Variants in B3GALT1 observed in about 807,000 individuals in gnomAD.
B3GALT1 encodes UDP-Gal:betaGlcNAc beta 1,3-galactosyltransferase, polypeptide 1.
A neutral mutation model predicts 23.2 loss-of-function variants in B3GALT1; 10 were observed. The ratio of observed to expected loss-of-function variants is 0.43; its 90% CI spans 0.27 to 0.73. The LOEUF is 0.73. Ranked by LOEUF, B3GALT1 falls within the 30% of genes least tolerant of loss-of-function variation. The pLI is 0.21. For missense variants in B3GALT1, 299 were observed against 405.4 expected (o/e 0.74, Z 2.25); for synonymous variants, 156 against 141.5 (o/e 1.10, Z -0.73).
chr2:167,565,476 G>A (rs1208510021), intron 2 of B3GALT1, among the ~76,000 whole-genome samples: 18 of 152,182 alleles, frequency 1.2e-4, no homozygotes, highest in Admixed American at 6.5e-4. Context: ...AACACCAAAA[G>A]CAGTGGCAAC....
At chr2:167,646,404 T>C (rs557628439) in intron 2 of B3GALT1, among the ~76,000 whole-genome samples, 2 of 152,320 alleles carry the variant, frequency 1.3e-5, no homozygotes, top group Admixed American at 6.5e-5. Context: ...GAGAGAGAAC[T>C]ATTTTACTAT....
intron 3 of B3GALT1, among the ~76,000 whole-genome samples, chr2:167,788,327 C>T (rs1446870550): frequency 6.6e-6 from 1 of 151,974 alleles, no homozygotes; most frequent in Non-Finnish European, 1.5e-5. Context: ...ACTTATTGTG[C>T]ACCTTATTTA....
chr2:167,614,857 G>C (rs1046249651), intron 2 of B3GALT1, among the ~76,000 whole-genome samples: 1 of 151,926 alleles, frequency 6.6e-6, no homozygotes, highest in Non-Finnish European at 1.5e-5. Context: ...TAGATCAATA[G>C]ATAGATGGAT....
chr2:167,376,564 C>A (rs1039761202), intron 1 of B3GALT1, among the ~76,000 whole-genome samples: 3 of 152,010 alleles, frequency 2.0e-5, no homozygotes, highest in Admixed American at 6.6e-5. Flanking sequence ...CCTAACTAAT[C>A]TTGGGAGGTT....
chr2:167,821,263 T>C (rs545501961), intron 4 of B3GALT1, among the ~76,000 whole-genome samples: 2 of 152,216 alleles, frequency 1.3e-5, no homozygotes, highest in East Asian at 3.9e-4. Context: ...CCAACTTTTA[T>C]GGGACTCATC....
chr2:167,835,365 G>C (rs183258987), intron 4 of B3GALT1, among the ~76,000 whole-genome samples: 3 of 152,266 alleles, frequency 2.0e-5, no homozygotes, highest in Admixed American at 1.3e-4. Flanking sequence ...AAAAAACGGC[G>C]CACCAGGAGA....
chr2:167,526,995 A>G (rs753536982), intron 2 of B3GALT1, among the ~76,000 whole-genome samples: 1 of 152,096 alleles, frequency 6.6e-6, no homozygotes, highest in Admixed American at 6.6e-5. Flanking sequence ...TACTGTTCCT[A>G]ATTCATTTAA....
At chr2:167,544,762 T>A (rs1683597609) in intron 2 of B3GALT1, among the ~76,000 whole-genome samples, 1 of 152,222 alleles carries the variant, frequency 6.6e-6, no homozygotes, top group South Asian at 2.1e-4. Flanking sequence ...CTGCAGCTAG[T>A]TGTCAAACAG....
intron 3 of B3GALT1, among the ~76,000 whole-genome samples, chr2:167,805,649 A>G (rs1435433386): frequency 6.6e-6 from 1 of 152,238 alleles, no homozygotes; most frequent in East Asian, 1.9e-4. Context: ...GATACGTGGC[A>G]TTATTTCTGA....
chr2:167,658,428 G>C (rs1256348969), intron 3 of B3GALT1, among the ~76,000 whole-genome samples: 1 of 151,974 alleles, frequency 6.6e-6, no homozygotes, highest in Non-Finnish European at 1.5e-5. Context: ...TCCAAATCCC[G>C]AGTTGAAGAA....
intron 2 of B3GALT1, among the ~76,000 whole-genome samples, chr2:167,514,067 C>T (rs1383201594): frequency 6.6e-6 from 1 of 152,016 alleles, no homozygotes; most frequent in Non-Finnish European, 1.5e-5. Flanking sequence ...CCACCACGCC[C>T]AGCTAATTTT....
intron 1 of B3GALT1, among the ~76,000 whole-genome samples, chr2:167,324,813 G>A (rs1360984560): frequency 2.0e-5 from 3 of 151,876 alleles, no homozygotes; most frequent in Non-Finnish European, 4.4e-5. Flanking sequence ...TACATCTTCC[G>A]TCTTACTATA....
chr2:167,606,718 A>C (rs1325182806), intron 2 of B3GALT1, among the ~76,000 whole-genome samples: 1 of 152,226 alleles, frequency 6.6e-6, no homozygotes, highest in African/African-American at 2.4e-5. Context: ...GGCAAACTTA[A>C]AGTGTTCTCA....
At chr2:167,300,638 CA>C (rs1425739834) in intron 1 of B3GALT1, among the ~76,000 whole-genome samples, 1 of 152,042 alleles carries the variant, frequency 6.6e-6, no homozygotes, top group Non-Finnish European at 1.5e-5. Flanking sequence ...AAATAAAGCA[CA>C]GTATGAAATA....
At chr2:167,726,127 C>T (rs538363907) in intron 3 of B3GALT1, among the ~76,000 whole-genome samples, 1 of 152,280 alleles carries the variant, frequency 6.6e-6, no homozygotes, top group Non-Finnish European at 1.5e-5. Context: ...TCCCTTGGAG[C>T]TATCCATGGA....
At chr2:167,561,128 C>A (rs945277985) in intron 2 of B3GALT1, among the ~76,000 whole-genome samples, 1 of 152,212 alleles carries the variant, frequency 6.6e-6, no homozygotes, top group Non-Finnish European at 1.5e-5. Flanking sequence ...TGCTATCAAA[C>A]TAGAGCTCAG....
At chr2:167,782,564 A>G (rs1574260009) in intron 3 of B3GALT1, among the ~76,000 whole-genome samples, 1 of 152,242 alleles carries the variant, frequency 6.6e-6, no homozygotes, top group East Asian at 1.9e-4. Context: ...AATCACCTTC[A>G]GACTTTTAAA....
At chr2:167,729,626 A>G (rs116832390) in intron 3 of B3GALT1, among the ~76,000 whole-genome samples, 1,776 of 152,218 alleles carry the variant, frequency 0.012, 30 homozygotes, top group African/African-American at 0.04. Context: ...TTAAATCTTT[A>G]ATAAAGTCTG....
chr2:167,375,075 C>T (rs1161972998), intron 1 of B3GALT1, among the ~76,000 whole-genome samples: 1 of 152,116 alleles, frequency 6.6e-6, no homozygotes, highest in Non-Finnish European at 1.5e-5. Context: ...ATCCCAGCTC[C>T]ATTTATTGAA....
Sources: allele counts gnomAD v4.1 joint callset (sites outside exome capture counted in the v4.1 genomes callset), GRCh38; gene constraint gnomAD v4.1.1; transcripts MANE v1.5; gene names NCBI Gene and HGNC (gene_info 2026-07-23, HGNC 2026-07-21).